FAM228B: variants seen among roughly 807,000 people sequenced by gnomAD.
The protein encoded by FAM228B is protein FAM228B.
In FAM228B, 38 loss-of-function variants were observed where a neutral mutation model predicts 42.6. The ratio of observed to expected loss-of-function variants is 0.89; its 90% CI spans 0.69 to 1.17. FAM228B has a LOEUF of 1.17. Ranked by LOEUF, FAM228B falls within the 50% of genes most tolerant of loss-of-function variation. The pLI is 0.00. For synonymous variants in FAM228B, 109 were observed against 122.3 expected, an observed-to-expected ratio of 0.89 and a Z score of 0.72; for missense variants, 344 against 367.3, an observed-to-expected ratio of 0.94 and a Z score of 0.52.
At position 24,124,386 on chromosome 2, in the gene FAM228B, C is replaced by T; in HGVS notation, c.25C>T (p.Leu9=). 6.4e-7 allele frequency: 1 copy of T among 1,551,040 alleles called. No individual in the cohort carries two copies. ...AATGAAAAATGTAGACAGTGATGAT[C>T]TGGTAACTGGCACACTTCCCAAGCT... The part of the protein sequence containing the change: MKNVDSDD[L]VTGTLPKLKS... The change falls in exon 2 of 11, where the codon CTG becomes TTG. Residue 9 remains leucine, a synonymous_variant. Transcript: ENST00000615575.
At position 24,161,595 on chromosome 2, in the gene FAM228B, A is replaced by T; in HGVS notation, c.776A>T (p.Glu259Val). The change falls in exon 8 of 11, where the codon GAA becomes GTA. Residue 259 changes from glutamate to valine, a missense_variant. Physicochemically the swap from Glu to Val is moderately radical, Grantham distance 121. Coordinates refer to ENST00000615575, the MANE Select transcript of FAM228B (RefSeq NM_001145710.2). ...TATCTTTTGGAATCCCAGGAAGAAG[A>T]AAAAACAGTTATTTACAAGTAAGTC... ...APYLLESQEE[E>V]KTVIYKNKGS... is the part of the protein sequence containing the mutation. 2 of 1,538,466 alleles carry T rather than the reference A, an allele frequency of 1.3e-6. No homozygotes were observed. The highest frequency in any genetic ancestry group is 8.8e-7 in the Non-Finnish European group (1 of 1,134,866).
At chr2:24,094,391 T>C (rs1370130540) in intron 2 of FAM228B, among the ~76,000 whole-genome samples, 23 of 152,160 alleles carry the variant, frequency 1.5e-4, no homozygotes, top group Non-Finnish European at 2.9e-5. Context: ...ATTTTTAAGT[T>C]GATATCTAAA....
At chr2:24,081,219 C>T (rs1279180991) in intron 2 of FAM228B, among the ~76,000 whole-genome samples, 1 of 152,202 alleles carries the variant, frequency 6.6e-6, no homozygotes, top group Non-Finnish European at 1.5e-5. Context: ...TACAAACCAT[C>T]TTGTTCTTTG....
rs1666911716 is a variant in FAM228B at position 24,147,034 on chromosome 2, T to C, written c.634T>C (p.Trp212Arg). Residue 212 changes from tryptophan to arginine, a missense_variant, in exon 7 of 11, where the codon TGG becomes CGG. Transcript: ENST00000615575. ...AAGGCACTTTATAACTCCAAACGAG[T>C]GGCTGAAACTGCCTACAAGATACAT... Reference protein sequence around the residue: ...NSRHFITPNEWLKLPTRYIES... With the variant: ...NSRHFITPNERLKLPTRYIES... 6.4e-7 allele frequency: 1 copy of C among 1,551,368 alleles called. No individual in the cohort carries two copies. Among genetic ancestry groups the C allele is most frequent in the South Asian group, 1.2e-5 (1 of 84,044 alleles).
chr2:24,154,295 A>G (rs1323415266), intron 7 of FAM228B, among the ~76,000 whole-genome samples: 3 of 152,212 alleles, frequency 2.0e-5, no homozygotes, highest in Non-Finnish European at 4.4e-5. Flanking sequence ...CTCTGCCTCC[A>G]GCATCTTTTC....
chr2:24,106,316 C>CTTTTTT lies in FAM228B; in HGVS notation c.-121+11104_-121+11109dup, dbSNP rs386389714. On this transcript the variant is annotated intron_variant, in intron 3 of 10. Coordinates refer to the FAM228B transcript ENST00000613899. ...AGACTGGTGGCCTATATTCAGCATTCTTTTTTTTTTTTTTTTTTTTTTGAG... is the reference window on the plus strand; with the variant it reads ...AGACTGGTGGCCTATATTCAGCATTCTTTTTTTTTTTTTTTTTTTTTTTTTTTTGAG... Among the ~76,000 whole-genome samples the CTTTTTT allele has an allele frequency of 4.5e-4, 48 of 106,378 alleles. 1 individual carries two copies. Among genetic ancestry groups the CTTTTTT allele is most frequent in the Non-Finnish European group, 7.0e-4 (38 of 54,230 alleles). 69.8% of individuals were successfully genotyped at this position (106,378 alleles called of 152,430 possible).
At chr2:24,097,944 C>T (rs1665534533) in intron 3 of FAM228B, among the ~76,000 whole-genome samples, 1 of 152,228 alleles carries the variant, frequency 6.6e-6, no homozygotes, top group African/African-American at 2.4e-5. Flanking sequence ...TCTCAGACCA[C>T]AGTGCAATCA....
At chr2:24,148,290 C>T (rs554666950) in intron 7 of FAM228B, among the ~76,000 whole-genome samples, 3 of 152,320 alleles carry the variant, frequency 2.0e-5, no homozygotes, top group Admixed American at 1.3e-4. Flanking sequence ...TCTTCCCTCT[C>T]CCACGGGAGT....
chr2:24,141,480 G>A (rs1253692899), intron 5 of FAM228B, among the ~76,000 whole-genome samples: 2 of 152,024 alleles, frequency 1.3e-5, no homozygotes, highest in Admixed American at 6.6e-5. Context: ...TCCTGACCTC[G>A]TGATCCACCC....
intron 1 of FAM228B, chr2:24,079,692 TAC>T: frequency 6.5e-7 from 1 of 1,548,168 alleles, no homozygotes; most frequent in Non-Finnish European, 8.9e-7. Flanking sequence ...CTAAATAAGA[TAC>T]CATGGTATAT....
At chr2:24,113,545 G>A (rs1665834523) in intron 3 of FAM228B, among the ~76,000 whole-genome samples, 1 of 152,112 alleles carries the variant, frequency 6.6e-6, no homozygotes, top group Non-Finnish European at 1.5e-5. Flanking sequence ...ACTCCAGCCT[G>A]GGTTATGGAG....
upstream of FAM228B, chr2:24,119,493 G>T: frequency 1.1e-6 from 1 of 949,236 alleles, no homozygotes; most frequent in Non-Finnish European, 1.6e-6. Context: ...TGCCCTAGCT[G>T]GTTTGAGTTG....
upstream of FAM228B, chr2:24,119,584 C>G (rs143760165): frequency 1.9e-5 from 31 of 1,613,160 alleles, 1 homozygote; most frequent in South Asian, 3.2e-4. Flanking sequence ...TACCCAGGCT[C>G]TCTGTGGCTT....
At chr2:24,106,110 C>T (rs187441303) in intron 3 of FAM228B, among the ~76,000 whole-genome samples, 381 of 152,132 alleles carry the variant, frequency 2.5e-3, no homozygotes, top group African/African-American at 9.0e-3. Flanking sequence ...CCAGGAAATG[C>T]AGAGAACCCT....
chr2:24,157,871 T>C (rs926229258), intron 7 of FAM228B, among the ~76,000 whole-genome samples: 1 of 152,206 alleles, frequency 6.6e-6, no homozygotes, highest in African/African-American at 2.4e-5. Flanking sequence ...TGAAAACCAC[T>C]TATTTATAGC....
intron 2 of FAM228B, 146 bp from the exon 3 acceptor site, chr2:24,134,973 G>A (rs1666545320): frequency 1.7e-6 from 1 of 592,156 alleles, no homozygotes; most frequent in Non-Finnish European, 3.0e-6. Context: ...ACAAAAAAAA[G>A]CACTCGATGA....
chr2:24,104,548 G>A (rs1035405692), intron 3 of FAM228B, among the ~76,000 whole-genome samples: 5 of 151,530 alleles, frequency 3.3e-5, no homozygotes, highest in African/African-American at 9.7e-5. Flanking sequence ...GTAGCCAGGC[G>A]GGCAACACCT....
At chr2:24,145,414 C>A (rs1394917265) in intron 5 of FAM228B, among the ~76,000 whole-genome samples, 1 of 152,152 alleles carries the variant, frequency 6.6e-6, no homozygotes, top group Non-Finnish European at 1.5e-5. Flanking sequence ...TTGCACGCAC[C>A]CAGGATCAAA....
At chr2:24,083,149 G>C (rs753459726) in intron 2 of FAM228B, 1 of 1,604,400 alleles carries the variant, frequency 6.2e-7, no homozygotes, top group Admixed American at 1.7e-5. Context: ...TACTGGCCTT[G>C]TCTCTGCAGA....
Sources: allele counts gnomAD v4.1 joint callset (sites outside exome capture counted in the v4.1 genomes callset), GRCh38; gene constraint gnomAD v4.1.1; transcripts MANE v1.5; gene names NCBI Gene and HGNC (gene_info 2026-07-23, HGNC 2026-07-21).